Variants in SGCD observed in about 807,000 individuals in gnomAD.
SGCD encodes delta-sarcoglycan.
A neutral mutation model predicts 36.6 loss-of-function variants in SGCD; 18 were observed. The ratio of observed to expected loss-of-function variants is 0.49; its 90% confidence interval spans 0.34 to 0.73. The LOEUF is 0.73. Ranked by LOEUF, SGCD falls within the 30% of genes least tolerant of loss-of-function variation. SGCD has a pLI of 0.01. For synonymous variants in SGCD, 133 were observed against 130.6 expected, an observed-to-expected ratio of 1.02 and a Z score of -0.12; for missense variants, 387 against 346.7, an observed-to-expected ratio of 1.12 and a Z score of -0.92.
rs144860849 is a variant in SGCD, at chr5:156,225,356, A to G, written c.-44+101337A>G. On this transcript the variant is annotated intron_variant, in intron 3 of 9. Transcript: ENST00000517913. Reference sequence around the variant, plus strand: ...TGAAGATTAATAGGGTGTTTGCCAAATAATTGAAGCTACTTAACACAAAAC... The same window carrying G: ...TGAAGATTAATAGGGTGTTTGCCAAGTAATTGAAGCTACTTAACACAAAAC... Among the ~76,000 whole-genome samples the G allele has an allele frequency of 1.3e-3, 203 of 152,262 alleles. 2 individuals carry two copies. In the East Asian group the frequency reaches 0.022, roughly 17 times the overall value.
At chr5:156,588,141 C>A (rs10077411) in intron 4 of SGCD, among the ~76,000 whole-genome samples, 25,618 of 151,494 alleles carry the variant, frequency 0.17, 2,374 homozygotes, top group African/African-American at 0.22. Flanking sequence ...GCTTTAGTTT[C>A]CTCTAAGAAA....
chr5:155,890,765 G>A (rs73301328), intron 1 of SGCD, among the ~76,000 whole-genome samples: 4,759 of 152,082 alleles, frequency 0.031, 243 homozygotes, highest in African/African-American at 0.11. Context: ...AACTATGGTC[G>A]TACCAGGACT....
chr5:155,986,779 A>G (rs747735233), intron 1 of SGCD, among the ~76,000 whole-genome samples: 1 of 152,142 alleles, frequency 6.6e-6, no homozygotes, highest in Non-Finnish European at 1.5e-5. Flanking sequence ...GTGATCATTG[A>G]TGACTTTAAA....
intron 7 of SGCD, among the ~76,000 whole-genome samples, chr5:156,696,409 A>G (rs1356343460): frequency 6.6e-6 from 1 of 152,220 alleles, no homozygotes; most frequent in Non-Finnish European, 1.5e-5. Flanking sequence ...CTGTTCTTAC[A>G]TAAATATGTA....
chr5:156,568,946 C>A (rs1440787903), intron 4 of SGCD, among the ~76,000 whole-genome samples: 1 of 152,080 alleles, frequency 6.6e-6, no homozygotes, highest in Non-Finnish European at 1.5e-5. Context: ...GTATGTACAC[C>A]AATATTACAG....
the SGCD span, among the ~76,000 whole-genome samples, chr5:155,794,892 C>T: frequency 6.6e-6 from 1 of 151,926 alleles, no homozygotes; most frequent in African/African-American, 2.4e-5. Context: ...AAACTGATGA[C>T]AACCATAAGA....
intron 1 of SGCD, among the ~76,000 whole-genome samples, chr5:155,926,286 A>T (rs544923598): frequency 6.6e-5 from 10 of 152,310 alleles, no homozygotes; most frequent in Admixed American, 2.0e-4. Flanking sequence ...CTTAGGCCTC[A>T]TCTTCCAACC....
At chr5:156,084,697 C>T (rs1761052286) in intron 1 of SGCD, among the ~76,000 whole-genome samples, 2 of 152,030 alleles carry the variant, frequency 1.3e-5, no homozygotes, top group South Asian at 4.1e-4. Context: ...TTTTACTTGC[C>T]TTGTTGTGCT....
intron 3 of SGCD, among the ~76,000 whole-genome samples, chr5:156,427,610 G>T (rs1350827566): frequency 2.0e-5 from 3 of 152,048 alleles, no homozygotes; most frequent in Non-Finnish European, 4.4e-5. Flanking sequence ...TCCTTGTGTT[G>T]TTCCATTTTT....
chr5:155,908,890 A>G (rs1048864546), intron 1 of SGCD, among the ~76,000 whole-genome samples: 1 of 152,102 alleles, frequency 6.6e-6, no homozygotes. Flanking sequence ...CTTGCACCAT[A>G]GTAGGTGCTC....
intron 3 of SGCD, among the ~76,000 whole-genome samples, chr5:156,433,776 C>A (rs1023143824): frequency 3.9e-5 from 6 of 152,162 alleles, no homozygotes; most frequent in African/African-American, 1.4e-4. Context: ...ACATTGTCAA[C>A]ACAAGTTGGT....
chr5:156,109,897 A>G (rs1761743814), intron 1 of SGCD, among the ~76,000 whole-genome samples: 1 of 152,198 alleles, frequency 6.6e-6, no homozygotes. Context: ...AGGGCTTGTT[A>G]GGACAACTAT....
intron 7 of SGCD, among the ~76,000 whole-genome samples, chr5:156,711,939 G>A (rs1377563015): frequency 6.6e-6 from 1 of 152,178 alleles, no homozygotes; most frequent in African/African-American, 2.4e-5. Flanking sequence ...TTAACAAGGG[G>A]TGGATTATTC....
intron 7 of SGCD, among the ~76,000 whole-genome samples, chr5:156,742,467 C>G (rs532819248): frequency 6.6e-6 from 1 of 151,392 alleles, no homozygotes; most frequent in African/African-American, 2.4e-5. Flanking sequence ...TAGAAATCAG[C>G]CTTGGTCCAG....
the SGCD span, among the ~76,000 whole-genome samples, chr5:155,771,296 T>G: frequency 2.8e-4 from 43 of 152,260 alleles, no homozygotes; most frequent in Non-Finnish European, 3.1e-4. Context: ...TCACCTAGGC[T>G]GGAGTGCAGT....
intron 4 of SGCD, among the ~76,000 whole-genome samples, chr5:156,526,822 C>T (rs1757661127): frequency 6.6e-6 from 1 of 152,084 alleles, no homozygotes; most frequent in Admixed American, 6.5e-5. Context: ...AACAGAGATA[C>T]GTATTCAAAG....
At chr5:156,689,052 T>A (rs157331) in intron 7 of SGCD, among the ~76,000 whole-genome samples, 139,597 of 152,290 alleles carry the variant, frequency 0.92, 64,159 homozygotes, top group East Asian at 0.99. Flanking sequence ...TCCTGCATTT[T>A]AAAAAGACAA....
intron 3 of SGCD, among the ~76,000 whole-genome samples, chr5:156,145,143 G>A (rs147059325): frequency 2.1e-4 from 32 of 152,284 alleles, no homozygotes; most frequent in South Asian, 1.9e-3. Flanking sequence ...TGGATCCTTC[G>A]TGAATGATTT....
At chr5:156,043,777 G>A (rs1228021697) in intron 1 of SGCD, among the ~76,000 whole-genome samples, 1 of 151,976 alleles carries the variant, frequency 6.6e-6, no homozygotes, top group East Asian at 1.9e-4. Flanking sequence ...CTTTAAAAAA[G>A]GAATTATTAC....
Sources: gnomAD v4.1 joint callset for allele counts (sites outside exome capture counted in the v4.1 genomes callset) on GRCh38, gnomAD v4.1.1 for gene constraint, MANE v1.5 for transcripts, NCBI Gene and HGNC (gene_info 2026-07-23, HGNC 2026-07-21) for gene names.